PYGL: variants seen among roughly 807,000 people sequenced by gnomAD.
PYGL encodes glycogen phosphorylase L.
Under a neutral mutation model 100.1 loss-of-function variants are expected in PYGL, and 90 were observed. The ratio of observed to expected loss-of-function variants is 0.90; its 90% CI spans 0.76 to 1.07. The LOEUF (loss-of-function observed/expected upper bound fraction) is 1.07. Among genes scored for constraint, PYGL ranks in the 50% least tolerant of loss-of-function variants. The pLI, the probability that PYGL is intolerant of heterozygous loss-of-function variation, is 0.00. For synonymous variants in PYGL, 373 were observed against 393.0 expected, an observed-to-expected ratio of 0.95 and a Z score of 0.60; for missense variants, 1,016 against 1,057.6, an observed-to-expected ratio of 0.96 and a Z score of 0.55.
intron 5 of PYGL, 142 bp downstream of exon 5, chr14:50,923,827 A>C: frequency 9.0e-7 from 1 of 1,114,674 alleles, no homozygotes; most frequent in South Asian, 1.5e-5. Flanking sequence ...GAAGTAACAG[A>C]TTTATTTACA....
intron 5 of PYGL, 101 bp downstream of exon 5, chr14:50,923,868 T>G (rs1314840931): frequency 7.3e-7 from 1 of 1,363,270 alleles, no homozygotes; most frequent in South Asian, 1.2e-5. Context: ...AAACACGACA[T>G]GCCCTATACT....
rs566451024 is a variant in PYGL, at chr14:50,940,620, C to A, written c.244-2783G>T. Among the ~76,000 whole-genome samples, 5 of 152,264 alleles carry A rather than the reference C, an allele frequency of 3.3e-5. No homozygotes were observed. In the East Asian group the frequency reaches 7.7e-4, roughly 23 times the overall value. The stretch of plus-strand genomic sequence containing the variant: ...ATATATAAGACTTCAAAAAATAGAT[C>A]TTGGCCATACTCTTACTTACTGGTC... On this transcript the variant is annotated intron_variant, in intron 1 of 19. Coordinates refer to ENST00000216392, the MANE Select transcript of PYGL (RefSeq NM_002863.5).
chr14:50,905,427 G>A lies in PYGL; in HGVS notation c.2509C>T (p.Leu837=), dbSNP rs199744431. ...TTGACTTTGTTAGATTCATTGGATAGAGAAATCTTTAGATCTGAAGGTTCC... is the reference window on the plus strand; with the variant it reads ...TTGACTTTGTTAGATTCATTGGATAAAGAAATCTTTAGATCTGAAGGTTCC... ...NVEPSDLKIS[L]SNESNKVNGN is the part of the protein sequence containing the mutation. The change falls in exon 20 of 20, where the codon CTA becomes TTA. Residue 837 remains leucine (L), a synonymous_variant. Transcript: ENST00000216392. The A allele has an allele frequency of 6.2e-7, 1 of 1,613,742 alleles. No individual in the cohort carries two copies. Among genetic ancestry groups the A allele is most frequent in the East Asian group, 2.2e-5 (1 of 44,872 alleles).
rs1252340611 is a variant in PYGL at position 50,915,174 on chromosome 14, TTTTC to T, written c.1403+158_1403+161del. ...GAAAGCATTCTTTTCTTTCCTTTTC[TTTTC>T]TTTTTTTTTTTTAGGCAAGAGTTTT... On this transcript the variant is annotated intron_variant, in intron 11 of 19. Transcript: ENST00000216392. 270 of 957,570 alleles carry T rather than the reference TTTTC, an allele frequency of 2.8e-4. 1 individual carries two copies. The South Asian group carries it at 3.4e-3, about 12-fold the overall frequency. 59.3% of individuals were successfully genotyped at this position (957,570 alleles called of 1,614,324 possible).
At chr14:50,915,568 A>G (rs1429546507) in intron 10 of PYGL, 69 bp from the exon 11 acceptor site, 9 of 1,584,202 alleles carry the variant, frequency 5.7e-6, no homozygotes, top group Non-Finnish European at 6.9e-6. Context: ...AACGCTGTTC[A>G]TGTCTTAAGC....
chr14:50,926,598 C>T (rs151000071), intron 4 of PYGL, among the ~76,000 whole-genome samples: 3,282 of 150,950 alleles, frequency 0.022, 36 homozygotes, highest in African/African-American at 0.036. Flanking sequence ...TGGTGGCGGG[C>T]ACCTGTAATC....
chr14:50,918,949 T>C (rs1229997644), intron 7 of PYGL, among the ~76,000 whole-genome samples: 2 of 152,212 alleles, frequency 1.3e-5, no homozygotes, highest in East Asian at 1.9e-4. Context: ...CACTGACCTA[T>C]GCCAGGGCTA....
In PYGL at chr14:50,913,291, T is replaced by C. The variant is rs529415012; in HGVS notation, c.1519-161A>G. 130 of 621,874 alleles carry C rather than the reference T, an allele frequency of 2.1e-4. 2 individuals carry two copies. In the South Asian group the frequency reaches 2.3e-3, roughly 11 times the overall value. The allele number at this position is 621,874 out of a possible 1,614,324, so 38.5% of individuals were successfully genotyped here. ...CTCAAAGAAGAGTCTATAAAGTCTA[T>C]GTGAGAAGAACACTTTTGCTAGTAT... On this transcript the variant is annotated intron_variant, in intron 12 of 19. Coordinates refer to ENST00000216392, the MANE Select transcript of PYGL (RefSeq NM_002863.5).
chr14:50,931,682 A>G lies in PYGL; in HGVS notation c.519T>C (p.Asp173=), dbSNP rs1256374391. Residue 173 remains aspartate, a synonymous_variant, in exon 4 of 20, where the codon GAT becomes GAC. Transcript: ENST00000216392. ...AAGATGGCTCACACACCTGCCATCC[A>G]TCTCGGATCTTCTGATTGAAAATCC... ...EYGIFNQKIR[D]GWQVEEADDW... The G allele has an allele frequency of 1.9e-6, 3 of 1,613,424 alleles. No individual in the cohort carries two copies. Among genetic ancestry groups the G allele is most frequent in the Non-Finnish European group, 2.5e-6 (3 of 1,179,378 alleles).
rs1339916770 is a variant in PYGL, at chr14:50,916,632, C to T, written c.1092+10G>A. 3.1e-6 allele frequency: 5 copies of T among 1,604,360 alleles called. No individual in the cohort carries two copies. The African/African-American group carries it at 4.0e-5, about 13-fold the overall frequency. ...TTAATTAAAGGAAAAAGAAGCCAAA[C>T]TATCCAGACCTTGGACCAGGGCAGT... On this transcript the variant is annotated intron_variant, in intron 9 of 19. Transcript: ENST00000216392.
intron 13 of PYGL, 28 bp downstream of exon 13, chr14:50,913,001 G>A: frequency 6.3e-7 from 1 of 1,599,080 alleles, no homozygotes; most frequent in Non-Finnish European, 8.6e-7. Flanking sequence ...TGAGTGCCCA[G>A]GAGGGGACCC....
chr14:50,929,143 C>G (rs2050581206), intron 4 of PYGL, among the ~76,000 whole-genome samples: 1 of 152,082 alleles, frequency 6.6e-6, no homozygotes, highest in Non-Finnish European at 1.5e-5. Flanking sequence ...CTCCATCTCC[C>G]AGGCTTAAGT....
In PYGL at chr14:50,911,797, G is replaced by T. The variant is rs755141133; in HGVS notation, c.1902C>A (p.Asp634Glu). Residue 634 changes from aspartate (D) to glutamate (E), a missense_variant, in exon 16 of 20, where the codon GAC becomes GAA. Coordinates refer to ENST00000216392, the MANE Select transcript of PYGL (RefSeq NM_002863.5). ...ITSVADVVNN[D>E]PMVGSKLKVI... is the part of the protein sequence containing the mutation. Reference sequence around the variant, plus strand: ...CTTTCAACTTGCTTCCAACCATAGGGTCATTGTTCACCACATCTGCCACTG... The same window carrying T: ...CTTTCAACTTGCTTCCAACCATAGGTTCATTGTTCACCACATCTGCCACTG... The T allele has an allele frequency of 6.2e-7, 1 of 1,614,084 alleles. No homozygotes were observed. Among genetic ancestry groups the T allele is most frequent in the South Asian group, 1.1e-5 (1 of 91,074 alleles).
intron 5 of PYGL, 176 bp from the exon 6 acceptor site, chr14:50,921,243 T>C (rs2050498385): frequency 3.3e-6 from 2 of 605,758 alleles, no homozygotes; most frequent in Admixed American, 2.7e-5. Flanking sequence ...TAGAGGAACA[T>C]GTGGTTCCTC....
rs369207678 is a variant in PYGL at position 50,915,868 on chromosome 14, C to T, written c.1196G>A (p.Arg399Gln). The T allele has an allele frequency of 9.5e-5, 153 of 1,614,156 alleles. 1 individual carries two copies. The South Asian group carries it at 1.3e-3, about 14-fold the overall frequency. The change falls in exon 10 of 20, where the codon CGA becomes CAA. Residue 399 changes from arginine to glutamine, a missense_variant. Transcript: ENST00000216392. ...PVDLVEKLLP[R>Q]HLEIIYEINQ... ...TATCTCATAAATGATTTCCAAATGTCGAGGGAGCAGCTTCTCCACCAGGTC... is the reference window on the plus strand; with the variant it reads ...TATCTCATAAATGATTTCCAAATGTTGAGGGAGCAGCTTCTCCACCAGGTC...
At chr14:50,920,727 A>C (rs1366609520) in intron 6 of PYGL, 104 bp from the exon 7 acceptor site, 9 of 1,269,222 alleles carry the variant, frequency 7.1e-6, no homozygotes, top group Admixed American at 1.8e-5. Context: ...GGATTCCTAA[A>C]ATTCCTAAAA....
intron 5 of PYGL, among the ~76,000 whole-genome samples, chr14:50,922,378 C>T (rs569446347): frequency 9.2e-5 from 14 of 152,230 alleles, no homozygotes; most frequent in African/African-American, 3.1e-4. Context: ...GTGATCACCG[C>T]GACCTCAAAG....
rs2142781860 is a variant in PYGL, at chr14:50,905,481, T to C, written c.2455A>G (p.Lys819Glu). The C allele has an allele frequency of 6.2e-7, 1 of 1,613,920 alleles. No homozygotes were observed. The highest frequency in any genetic ancestry group is 2.2e-5 in the East Asian group (1 of 44,870). The change falls in exon 20 of 20, where the codon AAA (lysine) becomes GAA (glutamate). Residue 819 changes from lysine to glutamate, a missense_variant. Transcript: ENST00000216392. ...TTCCAGATGTTTTGGGCATATTCTT[T>C]AATTGTTCGGTCACTGGAGAATTTC... ...SGKFSSDRTIKEYAQNIWNVE... is the reference protein window; with the variant it reads ...SGKFSSDRTIEEYAQNIWNVE...
Position 50,944,422 on chromosome 14 carries a change from CGCG to C in PYGL, c.-22_-20del. 6.3e-7 allele frequency: 1 copy of C among 1,591,496 alleles called. No individual in the cohort carries two copies. The highest frequency in any genetic ancestry group is 8.5e-7 in the Non-Finnish European group (1 of 1,173,198). ...TCGCCATGGCTGGGGCGGCGGGCTG[CGCG>C]GCGGGCTGCGCAGAGAGCTGGAAGT... On this transcript the variant is annotated 5_prime_UTR_variant, in exon 1 of 20. Coordinates refer to ENST00000216392, the MANE Select transcript of PYGL (RefSeq NM_002863.5).
Sources: gnomAD v4.1 joint callset for allele counts (sites outside exome capture counted in the v4.1 genomes callset) on GRCh38, gnomAD v4.1.1 for gene constraint, MANE v1.5 for transcripts, NCBI Gene and HGNC (gene_info 2026-07-23, HGNC 2026-07-21) for gene names.